DNAAF9: variants seen among roughly 807,000 people sequenced by gnomAD.
DNAAF9 encodes shulin.
Under a neutral mutation model 167.0 loss-of-function variants are expected in DNAAF9, and 90 were observed. The observed-to-expected ratio is 0.54, with a 90% CI of 0.45 to 0.64. The LOEUF is 0.64. DNAAF9 is among the 30% of genes least tolerant of loss of function. DNAAF9 has a pLI of 0.00. For missense variants in DNAAF9, 1,315 were observed against 1,442.2 expected, an observed-to-expected ratio of 0.91 and a Z score of 1.43; for synonymous variants, 491 against 508.8, an observed-to-expected ratio of 0.96 and a Z score of 0.47.
chr20:3,291,205 T>C (rs558763136), intron 25 of DNAAF9, among the ~76,000 whole-genome samples: 4 of 152,168 alleles, frequency 2.6e-5, no homozygotes, highest in Admixed American at 6.6e-5. Context: ...ATAGGTCCCC[T>C]TTCAGGTAGA....
At chr20:3,376,460 C>T (rs1003573939) in intron 3 of DNAAF9, among the ~76,000 whole-genome samples, 158 bp from the exon 4 acceptor site, 1 of 152,174 alleles carries the variant, frequency 6.6e-6, no homozygotes, top group Non-Finnish European at 1.5e-5. Context: ...GCCTTGTAAA[C>T]CAAAAAGTAT....
At chr20:3,398,005 C>T (rs1383879833) in intron 1 of DNAAF9, among the ~76,000 whole-genome samples, 2 of 152,186 alleles carry the variant, frequency 1.3e-5, no homozygotes, top group East Asian at 3.8e-4. Flanking sequence ...ATTTCTACCT[C>T]CCCTGGTAAC....
chr20:3,303,956 C>T (rs2069240274), intron 21 of DNAAF9, among the ~76,000 whole-genome samples: 1 of 152,202 alleles, frequency 6.6e-6, no homozygotes, highest in Non-Finnish European at 1.5e-5. Context: ...AGGGGCTAAA[C>T]TCTCACGGGG....
At chr20:3,393,854 A>G (rs1568647164) in intron 1 of DNAAF9, among the ~76,000 whole-genome samples, 1 of 152,186 alleles carries the variant, frequency 6.6e-6, no homozygotes, top group Non-Finnish European at 1.5e-5. Context: ...ACCACTCTTC[A>G]ACTAATGCTA....
intron 16 of DNAAF9, among the ~76,000 whole-genome samples, chr20:3,321,938 A>C (rs1228197823): frequency 6.6e-6 from 1 of 152,192 alleles, no homozygotes; most frequent in Non-Finnish European, 1.5e-5. Context: ...AAGGCTTCAT[A>C]ACCCAGAAAG....
chr20:3,378,622 G>A (rs1204464494), intron 3 of DNAAF9, among the ~76,000 whole-genome samples: 1 of 152,118 alleles, frequency 6.6e-6, no homozygotes, highest in Non-Finnish European at 1.5e-5. Context: ...AGAAACAAGA[G>A]CCATTAGGCC....
intron 1 of DNAAF9, among the ~76,000 whole-genome samples, chr20:3,393,583 A>G (rs1037655289): frequency 2.6e-5 from 4 of 152,230 alleles, no homozygotes; most frequent in African/African-American, 7.2e-5. Context: ...TTTTTATTTA[A>G]CCAGCTGCTA....
chr20:3,365,373 TTTTATTTATTTATTTA>T (rs145072503), intron 6 of DNAAF9, among the ~76,000 whole-genome samples: 7 of 149,600 alleles, frequency 4.7e-5, no homozygotes, highest in South Asian at 4.3e-4. Flanking sequence ...TTTGATAACA[TTTTATTTATTTATTTA>T]TTTATTTATT....
intron 13 of DNAAF9, among the ~76,000 whole-genome samples, chr20:3,325,214 C>T (rs558321781): frequency 5.3e-5 from 8 of 152,302 alleles, no homozygotes; most frequent in Admixed American, 3.9e-4. Flanking sequence ...CAGGTGTGCA[C>T]TGGAACCTGA....
intron 7 of DNAAF9, among the ~76,000 whole-genome samples, chr20:3,358,293 C>T (rs1341823235): frequency 1.3e-5 from 2 of 150,448 alleles, no homozygotes; most frequent in Non-Finnish European, 3.0e-5. Context: ...ATACCCTTTT[C>T]TTTTTTTTTA....
At chr20:3,364,998 C>T (rs962549380) in intron 6 of DNAAF9, among the ~76,000 whole-genome samples, 7 of 148,928 alleles carry the variant, frequency 4.7e-5, no homozygotes, top group Non-Finnish European at 7.4e-5. Flanking sequence ...GGCTGGAGTG[C>T]GGTGGCACAA....
intron 3 of DNAAF9, 22 bp from the exon 4 acceptor site, chr20:3,376,324 AAC>A (rs577922354): frequency 1.7e-4 from 263 of 1,578,956 alleles, no homozygotes; most frequent in Admixed American, 3.6e-4. Context: ...ACAAAATCAA[AAC>A]ACAAGACTGT....
In DNAAF9 at chr20:3,296,014, T is replaced by C. The variant is rs1312155749; in HGVS notation, c.2018+847A>G. 12 of 1,351,354 alleles carry C rather than the reference T, an allele frequency of 8.9e-6. No individual in the cohort carries two copies. The Admixed American group carries it at 1.7e-4, about 19-fold the overall frequency. 83.7% of individuals were successfully genotyped at this position (1,351,354 alleles called of 1,614,324 possible). ...GCACCATGTTGTACACATCGGGAAC[T>C]TCGGTTTCAAGCTGAAATTTTCCAC... On this transcript the variant is annotated intron_variant, in intron 23 of 36. Coordinates refer to ENST00000252032, the MANE Select transcript of DNAAF9 (RefSeq NM_001009984.3).
rs183006706 is a variant in DNAAF9, at chr20:3,330,266, T to C, written c.1100+380A>G. Among the ~76,000 whole-genome samples the C allele has an allele frequency of 4.1e-3, 618 of 152,238 alleles. 9 individuals carry two copies. The highest frequency in any genetic ancestry group is 0.027 in the Admixed American group (409 of 15,270). On this transcript the variant is annotated intron_variant, in intron 12 of 36. Coordinates refer to ENST00000252032, the MANE Select transcript of DNAAF9 (RefSeq NM_001009984.3). The stretch of plus-strand genomic sequence containing the variant: ...TGTCTTCTTCTTCTTCTTTTTTTTT[T>C]ACACAGTCTCCCTCTGTTGCCAAGA...
chr20:3,267,918 T>C (rs752900341), intron 30 of DNAAF9, among the ~76,000 whole-genome samples: 5 of 152,200 alleles, frequency 3.3e-5, no homozygotes, highest in East Asian at 1.9e-4. Context: ...ATCAGTGATG[T>C]TGTTTAGAAC....
chr20:3,346,892 T>C (rs2070203990), intron 8 of DNAAF9, among the ~76,000 whole-genome samples: 1 of 152,112 alleles, frequency 6.6e-6, no homozygotes, highest in Non-Finnish European at 1.5e-5. Flanking sequence ...TGGTCTAATG[T>C]AGAAGCAAAT....
At chr20:3,258,894 T>C (rs1772825463) in intron 33 of DNAAF9, among the ~76,000 whole-genome samples, 1 of 152,230 alleles carries the variant, frequency 6.6e-6, no homozygotes. Context: ...GTGTCTTTTC[T>C]GCCTCTGGAT....
chr20:3,272,337 G>A (rs2068607330), intron 29 of DNAAF9, among the ~76,000 whole-genome samples: 1 of 152,076 alleles, frequency 6.6e-6, no homozygotes, highest in Non-Finnish European at 1.5e-5. Context: ...CAATCCTCCT[G>A]CCTCAGCCTC....
chr20:3,287,682 G>C lies in DNAAF9; in HGVS notation c.2436C>G (p.Arg812=), dbSNP rs780982500. The C allele has an allele frequency of 6.2e-7, 1 of 1,614,232 alleles. No individual in the cohort carries two copies. Among genetic ancestry groups the C allele is most frequent in the South Asian group, 1.1e-5 (1 of 91,084 alleles). ...ALEAQQNRSA[R]QSAYIRKKTR... The stretch of plus-strand genomic sequence containing the variant: ...TCTTCTTGCGGATGTAGGCTGACTG[G>C]CGCGCAGAGCGGTTCTGCTGGGCCT... Residue 812 remains arginine, a synonymous_variant, in exon 27 of 37, where the codon CGC becomes CGG. Coordinates refer to ENST00000252032, the MANE Select transcript of DNAAF9 (RefSeq NM_001009984.3).
Sources: gnomAD v4.1 joint callset for allele counts (sites outside exome capture counted in the v4.1 genomes callset) on GRCh38, gnomAD v4.1.1 for gene constraint, MANE v1.5 for transcripts, NCBI Gene and HGNC (gene_info 2026-07-23, HGNC 2026-07-21) for gene names.